Variants in MRPS9 observed in about 807,000 individuals in gnomAD.
The protein encoded by MRPS9 is small ribosomal subunit protein uS9m.
MRPS9 carries 45 observed loss-of-function variants against 59.9 expected under a neutral mutation model. The ratio of observed to expected loss-of-function variants is 0.75; its 90% CI spans 0.59 to 0.96. MRPS9 has a LOEUF of 0.96. MRPS9 is among the 40% of genes least tolerant of loss of function. The pLI, the probability that MRPS9 is intolerant of heterozygous loss-of-function variation, is 0.00. For missense variants in MRPS9, 473 were observed against 481.1 expected (o/e 0.98, Z 0.16); for synonymous variants, 171 against 166.8 (o/e 1.03, Z -0.19).
chr2:105,088,674 T>G (rs1028752317), intron 5 of MRPS9, among the ~76,000 whole-genome samples: 4 of 151,824 alleles, frequency 2.6e-5, no homozygotes, highest in Admixed American at 6.6e-5. Context: ...AGGTTTTTGG[T>G]TTTTTTTAAC....
intron 10 of MRPS9, among the ~76,000 whole-genome samples, chr2:105,099,001 T>C (rs1680732134): frequency 6.6e-6 from 1 of 152,154 alleles, no homozygotes; most frequent in African/African-American, 2.4e-5. Context: ...CTCCTGATGA[T>C]TGGGAGAATG....
intron 9 of MRPS9, among the ~76,000 whole-genome samples, chr2:105,095,009 A>G (rs974674388): frequency 1.3e-5 from 2 of 152,262 alleles, no homozygotes; most frequent in African/African-American, 2.4e-5. Context: ...GATATTTAAG[A>G]TATGATTCCT....
intron 2 of MRPS9, among the ~76,000 whole-genome samples, chr2:105,053,141 A>T (rs1679741312): frequency 6.6e-6 from 1 of 152,218 alleles, no homozygotes; most frequent in Non-Finnish European, 1.5e-5. Context: ...ACAATTTTGT[A>T]ATTTTATCTG....
At chr2:105,046,280 AC>A (rs1679592312) in intron 1 of MRPS9, among the ~76,000 whole-genome samples, 1 of 40,198 alleles carries the variant, frequency 2.5e-5, no homozygotes, top group African/African-American at 1.1e-4. Flanking sequence ...CTCTCAGCAG[AC>A]AGACCATCTT....
chr2:105,096,752 A>G (rs1680668851), intron 9 of MRPS9, among the ~76,000 whole-genome samples: 1 of 152,194 alleles, frequency 6.6e-6, no homozygotes, highest in South Asian at 2.1e-4. Flanking sequence ...TCCAAATGAC[A>G]TGTGATAATT....
chr2:105,073,822 A>G (rs1680160609), intron 4 of MRPS9, among the ~76,000 whole-genome samples: 1 of 152,218 alleles, frequency 6.6e-6, no homozygotes, highest in Non-Finnish European at 1.5e-5. Context: ...GATGACCACA[A>G]ACCTTTTTGC....
chr2:105,064,850 T>C (rs1679971663), intron 2 of MRPS9, among the ~76,000 whole-genome samples: 1 of 152,198 alleles, frequency 6.6e-6, no homozygotes, highest in Middle Eastern at 3.2e-3. Context: ...AAGGCATTTG[T>C]TTAGAAAGGA....
Position 105,090,481 on chromosome 2 carries a change from C to G in MRPS9, c.651+486C>G, listed in dbSNP as rs574117049. On this transcript the variant is annotated intron_variant, in intron 7 of 10. Transcript: ENST00000258455. ...CTTGGGATCTGCAAACCACCTCTGT[C>G]GGAATCCCTTGAAATGCTGGTTACA... 2.7e-5 allele frequency among the ~76,000 whole-genome samples: 4 copies of G among 146,676 alleles called. No homozygotes were observed. In the East Asian group the frequency reaches 7.8e-4, roughly 29 times the overall value.
rs1679662708 is a variant in MRPS9 at position 105,049,153 on chromosome 2, A to G, written c.136-18A>G. ...GTTTAATTTATTTTCTTTTCTTTCC[A>G]TCTATATTTTCTGTTAGATATTAAG... On this transcript the variant is annotated intron_variant, in intron 1 of 10. Coordinates refer to ENST00000258455, the MANE Select transcript of MRPS9 (RefSeq NM_182640.3). 2 of 1,478,650 alleles carry G rather than the reference A, an allele frequency of 1.4e-6. No homozygotes were observed. Among genetic ancestry groups the G allele is most frequent in the East Asian group, 2.3e-5 (1 of 43,918 alleles). 91.6% of individuals were successfully genotyped at this position (1,478,650 alleles called of 1,614,324 possible).
chr2:105,040,498 A>C (rs1028212594), intron 1 of MRPS9, among the ~76,000 whole-genome samples: 1 of 152,222 alleles, frequency 6.6e-6, no homozygotes, highest in Admixed American at 6.5e-5. Context: ...TAAATATTAC[A>C]ATGGGTCACA....
intron 5 of MRPS9, among the ~76,000 whole-genome samples, chr2:105,084,536 C>G (rs77904654): frequency 0.025 from 3,756 of 152,234 alleles, 61 homozygotes; most frequent in Non-Finnish European, 0.037. Context: ...TCACAGAATT[C>G]TTACTTAGTT....
intron 5 of MRPS9, among the ~76,000 whole-genome samples, chr2:105,085,795 A>T (rs544055798): frequency 6.6e-6 from 1 of 152,178 alleles, no homozygotes; most frequent in Non-Finnish European, 1.5e-5. Context: ...ACTGTTAAAT[A>T]CAGTATATAA....
intron 6 of MRPS9, 117 bp downstream of exon 6, chr2:105,089,186 G>C: frequency 4.6e-6 from 3 of 650,938 alleles, no homozygotes; most frequent in Non-Finnish European, 7.8e-6. Context: ...TCAGCATTAA[G>C]CATTAAGGTT....
chr2:105,056,216 C>G (rs1679789739), intron 2 of MRPS9, among the ~76,000 whole-genome samples: 1 of 141,870 alleles, frequency 7.0e-6, no homozygotes, highest in South Asian at 2.3e-4. Context: ...TTTAACAATA[C>G]TAAGGCTGTA....
intron 5 of MRPS9, among the ~76,000 whole-genome samples, chr2:105,084,486 A>G (rs919663597): frequency 6.6e-5 from 10 of 152,072 alleles, no homozygotes; most frequent in Non-Finnish European, 1.0e-4. Flanking sequence ...TCATTATGTG[A>G]AGATTCCAGA....
At chr2:105,091,694 G>C (rs952586991) in intron 7 of MRPS9, among the ~76,000 whole-genome samples, 2 of 152,100 alleles carry the variant, frequency 1.3e-5, no homozygotes, top group Non-Finnish European at 2.9e-5. Flanking sequence ...AGCATTAGTT[G>C]TTTCCTTCTC....
At chr2:105,094,323 C>T (rs1219329437) in intron 9 of MRPS9, among the ~76,000 whole-genome samples, 2 of 152,116 alleles carry the variant, frequency 1.3e-5, no homozygotes. Flanking sequence ...TACTACAGCT[C>T]TTCTAATCTA....
chr2:105,046,683 G>C (rs111860140), intron 1 of MRPS9, among the ~76,000 whole-genome samples: 78 of 152,088 alleles, frequency 5.1e-4, no homozygotes, highest in Non-Finnish European at 8.7e-4. Context: ...CCTGAGGGCT[G>C]TGGTTGGTGA....
At chr2:105,045,344 T>C (rs990543546) in intron 1 of MRPS9, among the ~76,000 whole-genome samples, 3 of 147,726 alleles carry the variant, frequency 2.0e-5, no homozygotes, top group Non-Finnish European at 4.4e-5. Context: ...CCCAATTCTT[T>C]TTTTTTTTTC....
Sources: gnomAD v4.1 joint callset for allele counts (sites outside exome capture counted in the v4.1 genomes callset) on GRCh38, gnomAD v4.1.1 for gene constraint, MANE v1.5 for transcripts, NCBI Gene and HGNC (gene_info 2026-07-23, HGNC 2026-07-21) for gene names.